DACH2: variants seen among roughly 807,000 people sequenced by gnomAD.
The protein encoded by DACH2 is dachshund family transcription factor 2, also known as dachshund homolog 2.
A neutral mutation model predicts 35.8 loss-of-function variants in DACH2; 17 were observed. The ratio of observed to expected loss-of-function variants is 0.48; its 90% CI spans 0.33 to 0.71. The LOEUF (loss-of-function observed/expected upper bound fraction) is 0.71, where lower values mean the gene tolerates loss of function less well. DACH2 is among the 30% of genes least tolerant of loss of function. DACH2 has a pLI of 0.02. For missense variants in DACH2, 469 were observed against 472.7 expected (o/e 0.99, Z 0.07); for synonymous variants, 195 against 177.3 (o/e 1.10, Z -0.79).
chrX:86,677,510 T>C (rs983682391), intron 4 of DACH2, among the ~76,000 whole-genome samples: 1 of 112,123 alleles, frequency 8.9e-6, no homozygotes, highest in Non-Finnish European at 1.9e-5. Context: ...ATTCTCACTG[T>C]ATTCAGGTTG....
At chrX:86,469,073 G>T (rs980701507) in intron 2 of DACH2, among the ~76,000 whole-genome samples, 2 of 111,341 alleles carry the variant, frequency 1.8e-5, no homozygotes, top group African/African-American at 3.3e-5. Context: ...CATTATGGAG[G>T]ATATTATGTG....
chrX:86,783,456 C>T (rs2042108131), intron 7 of DACH2, among the ~76,000 whole-genome samples: 1 of 111,985 alleles, frequency 8.9e-6, no homozygotes, highest in Non-Finnish European at 1.9e-5. Flanking sequence ...GAAGAGATAG[C>T]TGCACTCCTA....
In DACH2 at chrX:86,229,302, C is replaced by A. The variant is rs1042937915; in HGVS notation, c.488+80194C>A. ...AAGTATTTGGATTTATTTCTGGATTCTCTATTCTGTTCCATTGGTCTATGT... is the reference window on the plus strand; with the variant it reads ...AAGTATTTGGATTTATTTCTGGATTATCTATTCTGTTCCATTGGTCTATGT... On this transcript the variant is annotated intron_variant, in intron 1 of 11. Transcript: ENST00000373125. Among the ~76,000 whole-genome samples, 3 of 111,783 alleles carry A rather than the reference C, an allele frequency of 2.7e-5. No homozygotes were observed. In the Admixed American group the frequency reaches 2.8e-4, roughly 11 times the overall value.
chrX:86,368,826 C>T (rs766065541), intron 1 of DACH2, among the ~76,000 whole-genome samples: 61 of 110,792 alleles, frequency 5.5e-4, no homozygotes, highest in African/African-American at 1.7e-3. Flanking sequence ...CCACTATGCT[C>T]AGCCTTTTTG....
rs894334208 is a variant in DACH2, at chrX:86,436,876, T to C, written c.527+60014T>C. ...CTATGAAATTTGGTAGATGTGTCTT[T>C]CAAGGAGCTGGTCCATTTCATGTAA... On this transcript the variant is annotated intron_variant, in intron 2 of 11. Coordinates refer to ENST00000373125, the MANE Select transcript of DACH2 (RefSeq NM_053281.3). Among the ~76,000 whole-genome samples the C allele has an allele frequency of 2.7e-5, 3 of 111,736 alleles. No individual in the cohort carries two copies. In the East Asian group the frequency reaches 8.4e-4, roughly 31 times the overall value.
intron 6 of DACH2, among the ~76,000 whole-genome samples, chrX:86,721,038 C>T (rs1308939890): frequency 8.9e-6 from 1 of 112,241 alleles, no homozygotes; most frequent in Admixed American, 9.4e-5. Context: ...GCAGCTGGGA[C>T]GAAGGGCACC....
intron 5 of DACH2, among the ~76,000 whole-genome samples, chrX:86,702,129 G>A (rs184792906): frequency 1.4e-3 from 160 of 111,760 alleles, no homozygotes; most frequent in African/African-American, 3.2e-3. Context: ...AACCCTCAAC[G>A]CTATAGAAGA....
intron 3 of DACH2, among the ~76,000 whole-genome samples, chrX:86,588,631 ATGGGACTG>A (rs1180202821): frequency 1.8e-5 from 2 of 111,129 alleles, no homozygotes; most frequent in Non-Finnish European, 3.8e-5. Context: ...GTTATTGTGA[ATGGGACTG>A]TGTTCTTGAT....
chrX:86,625,815 G>T (rs934342567), intron 3 of DACH2, among the ~76,000 whole-genome samples: 1 of 111,000 alleles, frequency 9.0e-6, no homozygotes, highest in African/African-American at 3.3e-5. Context: ...AGAACAGCAT[G>T]GGAAAACCCC....
At chrX:86,254,807 TAGAGAGAGAGAG>T (rs755869488) in intron 1 of DACH2, among the ~76,000 whole-genome samples, 2 of 49,658 alleles carry the variant, frequency 4.0e-5, no homozygotes, top group South Asian at 1.4e-3. Context: ...TATATATATA[TAGAGAGAGAGAG>T]AGAGAGAGAG....
At chrX:86,655,359 C>T (rs748717574) in intron 4 of DACH2, among the ~76,000 whole-genome samples, 8 of 111,831 alleles carry the variant, frequency 7.2e-5, no homozygotes, top group Non-Finnish European at 1.3e-4. Context: ...GAGGGATACA[C>T]ATTGAATGTT....
At chrX:86,630,089 C>T (rs1262659314) in intron 3 of DACH2, among the ~76,000 whole-genome samples, 2 of 110,962 alleles carry the variant, frequency 1.8e-5, no homozygotes, top group South Asian at 7.6e-4. Context: ...TTTAGTGCAG[C>T]ATTTCTCAAA....
At chrX:86,399,061 C>T (rs201560799) in intron 2 of DACH2, among the ~76,000 whole-genome samples, 2 of 111,482 alleles carry the variant, frequency 1.8e-5, no homozygotes, top group African/African-American at 3.3e-5. Context: ...TTATGAATCT[C>T]GGTCCTCCTG....
chrX:86,534,736 T>C (rs1446612947), intron 3 of DACH2, among the ~76,000 whole-genome samples: 1 of 111,745 alleles, frequency 8.9e-6, no homozygotes, highest in East Asian at 2.8e-4. Context: ...ATTTCATGGT[T>C]GTATGCTTTT....
chrX:86,368,535 T>A (rs2035838706), intron 1 of DACH2, among the ~76,000 whole-genome samples: 1 of 105,432 alleles, frequency 9.5e-6, no homozygotes, highest in Non-Finnish European at 1.9e-5. Context: ...CTTTCGTCAA[T>A]AGTCAATATT....
intron 2 of DACH2, among the ~76,000 whole-genome samples, chrX:86,412,479 G>T (rs1346883095): frequency 1.8e-5 from 2 of 111,687 alleles, no homozygotes; most frequent in Non-Finnish European, 1.9e-5. Context: ...ACTTCAAAAG[G>T]TCATTCCGCC....
intron 3 of DACH2, among the ~76,000 whole-genome samples, chrX:86,531,932 A>C (rs989803360): frequency 2.5e-4 from 28 of 112,855 alleles, no homozygotes; most frequent in Non-Finnish European, 5.2e-4. Context: ...TTGGGAGTCC[A>C]CCCCTTGCAT....
At chrX:86,709,885 A>T (rs2148456862) in intron 5 of DACH2, among the ~76,000 whole-genome samples, 1 of 112,446 alleles carries the variant, frequency 8.9e-6, no homozygotes, top group South Asian at 3.7e-4. Context: ...CAAAATTGTC[A>T]ACTTCAATTG....
At chrX:86,492,157 T>C (rs902169022) in intron 2 of DACH2, among the ~76,000 whole-genome samples, 11 of 111,451 alleles carry the variant, frequency 9.9e-5, no homozygotes, top group African/African-American at 3.6e-4. Flanking sequence ...TTGTCACATA[T>C]TACAGATCAA....
Sources: gnomAD v4.1 joint callset for allele counts (sites outside exome capture counted in the v4.1 genomes callset) on GRCh38, gnomAD v4.1.1 for gene constraint, MANE v1.5 for transcripts, NCBI Gene and HGNC (gene_info 2026-07-23, HGNC 2026-07-21) for gene names.